FAM217A: variants seen among roughly 807,000 people sequenced by gnomAD.
FAM217A encodes the protein family with sequence similarity 217 member A, also known as protein FAM217A.
In FAM217A, 13 loss-of-function variants were observed where a neutral mutation model predicts 18.5. The ratio of observed to expected loss-of-function variants is 0.70; its 90% confidence interval spans 0.46 to 1.12. The LOEUF (loss-of-function observed/expected upper bound fraction) is 1.12. Ranked by LOEUF, FAM217A falls within the 50% of genes most tolerant of loss-of-function variation. The pLI, the probability that FAM217A is intolerant of heterozygous loss-of-function variation, is 0.00. For missense variants in FAM217A, 560 were observed against 575.4 expected (o/e 0.97, Z 0.27); for synonymous variants, 161 against 202.8 (o/e 0.79, Z 1.75).
At chr6:4,073,637 G>T (rs191206235) in intron 4 of FAM217A, 130 bp from the exon 5 acceptor site, 3 of 651,302 alleles carry the variant, frequency 4.6e-6, no homozygotes, top group East Asian at 3.1e-5. Flanking sequence ...TATATACAAA[G>T]AAATCATTTG....
Position 4,069,837 on chromosome 6 carries a change from G to A in FAM217A, c.386C>T (p.Thr129Ile), listed in dbSNP as rs756546210. The A allele has an allele frequency of 4.1e-5, 66 of 1,613,870 alleles. No homozygotes were observed. The highest frequency in any genetic ancestry group is 3.3e-4 in the Middle Eastern group (2 of 6,080). Reference protein sequence around the residue: ...IRVFTLNHPLTIASVDKQVGP... With the variant: ...IRVFTLNHPLIIASVDKQVGP... The stretch of plus-strand genomic sequence containing the variant: ...AACTTGCTTATCAACTGAAGCAATT[G>A]TTAATGGGTGGTTCAGAGTGAAGAC... The change falls in exon 7 of 7, where the codon ACA becomes ATA. Residue 129 changes from threonine (T) to isoleucine (I), a missense_variant. Transcript: ENST00000274673.
intron 1 of FAM217A, among the ~76,000 whole-genome samples, 187 bp downstream of exon 1, chr6:4,078,665 G>C (rs1561927872): frequency 6.6e-6 from 1 of 152,222 alleles, no homozygotes; most frequent in African/African-American, 2.4e-5. Flanking sequence ...TGGGGACTGC[G>C]AGTTGGGGGA....
At chr6:4,078,764 A>G in intron 1 of FAM217A, 88 bp downstream of exon 1, 2 of 413,448 alleles carry the variant, frequency 4.8e-6, no homozygotes, top group Non-Finnish European at 8.6e-6. Flanking sequence ...TTTCCTCCTG[A>G]GCTGTGGCCG....
At chr6:4,079,727 T>C (rs536949128), upstream of FAM217A, 1 of 1,062,938 alleles carries the variant, frequency 9.4e-7, no homozygotes, top group East Asian at 7.0e-5. Flanking sequence ...CATTGATACA[T>C]GTGAAGTTAT....
intron 1 of FAM217A, among the ~76,000 whole-genome samples, 171 bp from the exon 2 acceptor site, chr6:4,077,619 G>C (rs1769919098): frequency 6.6e-6 from 1 of 152,172 alleles, no homozygotes; most frequent in South Asian, 2.1e-4. Flanking sequence ...CCAGAAGCAA[G>C]GGGCAAGCCT....
chr6:4,074,519 C>A, intron 3 of FAM217A, 58 bp downstream of exon 3: 1 of 1,578,292 alleles, frequency 6.3e-7, no homozygotes, highest in Non-Finnish European at 8.7e-7. Flanking sequence ...TCAAAACAAA[C>A]CCCCTTTTAA....
upstream of FAM217A, chr6:4,079,779 C>A (rs942922701): frequency 1.1e-5 from 7 of 632,812 alleles, no homozygotes; most frequent in Non-Finnish European, 1.5e-5. Context: ...GAAGAGGCAT[C>A]CTTGTTGACA....
upstream of FAM217A, chr6:4,087,029 T>G (rs1159809558): frequency 2.5e-6 from 1 of 399,002 alleles, no homozygotes; most frequent in African/African-American, 2.1e-5. Context: ...TCTGGGCATT[T>G]CCTCAGTTTT....
intron 2 of FAM217A, among the ~76,000 whole-genome samples, chr6:4,075,034 C>G (rs1322787058): frequency 6.6e-6 from 1 of 152,130 alleles, no homozygotes; most frequent in African/African-American, 2.4e-5. Flanking sequence ...AGTATCAGAT[C>G]TAAAAGTCTA....
rs1031452460 is a variant in FAM217A, at chr6:4,068,640, T to C, written c.*56A>G. On this transcript the variant is annotated 3_prime_UTR_variant, in exon 7 of 7. Coordinates refer to ENST00000274673, the MANE Select transcript of FAM217A (RefSeq NM_173563.3). ...GTGTCTTGGAATAATTAACCATATC[T>C]TAGTTGGGCTTCTTAGAGTAGATGT... 3 of 1,511,544 alleles carry C rather than the reference T, an allele frequency of 2.0e-6. No individual in the cohort carries two copies. Among genetic ancestry groups the C allele is most frequent in the Admixed American group, 2.2e-5 (1 of 44,542 alleles). The allele number at this position is 1,511,544 out of a possible 1,614,324, so 93.6% of individuals were successfully genotyped here. A position where few individuals can be genotyped will look rare whatever the true frequency, so the allele number is the denominator to read the frequency against.
At chr6:4,085,975 C>T (rs965912929) in intron 1 of FAM217A, among the ~76,000 whole-genome samples, 6 of 151,636 alleles carry the variant, frequency 4.0e-5, no homozygotes, top group East Asian at 1.9e-4. Context: ...ATTAGCTGGG[C>T]GTAGTGATGC....
Position 4,078,975 on chromosome 6 carries a change from C to A in FAM217A, c.-158G>T. The A allele has an allele frequency of 2.0e-6, 1 of 509,386 alleles. No individual in the cohort carries two copies. Among genetic ancestry groups the A allele is most frequent in the Non-Finnish European group, 3.5e-6 (1 of 289,218 alleles). The allele number at this position is 509,386 out of a possible 1,614,324, so 31.6% of individuals were successfully genotyped here. A position where few individuals can be genotyped will look rare whatever the true frequency, so the allele number is the denominator to read the frequency against. On this transcript the variant is annotated 5_prime_UTR_variant, in exon 1 of 7. Coordinates refer to ENST00000274673, the MANE Select transcript of FAM217A (RefSeq NM_173563.3). ...CCCCTCTGCCGCGGCCTTCCTGCAG[C>A]GGGGGGACAAAGAGGGCGGCGGGCG...
intron 2 of FAM217A, among the ~76,000 whole-genome samples, chr6:4,075,587 AG>A (rs1769732255): frequency 6.6e-6 from 1 of 152,216 alleles, no homozygotes; most frequent in Non-Finnish European, 1.5e-5. Context: ...AAAATGTGGG[AG>A]GTGTGTAGAA....
Position 4,074,885 on chromosome 6 carries a change from C to T in FAM217A, c.61-224G>A, listed in dbSNP as rs1406051012. ...CTATTGTTGAGGAATCAGGCTTTTA[C>T]AATAATTTGTGGTTTCGTTCACATT... On this transcript the variant is annotated intron_variant, in intron 2 of 6. Coordinates refer to ENST00000274673, the MANE Select transcript of FAM217A (RefSeq NM_173563.3). Among the ~76,000 whole-genome samples, 7 of 152,168 alleles carry T rather than the reference C, an allele frequency of 4.6e-5. No individual in the cohort carries two copies. In the South Asian group the frequency reaches 1.2e-3, roughly 27 times the overall value.
chr6:4,084,886 A>G, intron 1 of FAM217A: 1 of 669,930 alleles, frequency 1.5e-6, no homozygotes, highest in Non-Finnish European at 2.7e-6. Flanking sequence ...AAAACAACCC[A>G]GAGTCATGCA....
intron 6 of FAM217A, among the ~76,000 whole-genome samples, chr6:4,071,589 C>A (rs944070439): frequency 6.6e-6 from 1 of 152,170 alleles, no homozygotes; most frequent in African/African-American, 2.4e-5. Context: ...ATTCTACCGC[C>A]TCCATTTGTT....
upstream of FAM217A, among the ~76,000 whole-genome samples, chr6:4,083,613 A>G (rs1284282760): frequency 6.9e-6 from 1 of 144,574 alleles, no homozygotes; most frequent in Non-Finnish European, 1.5e-5. Context: ...GTGCAATGGC[A>G]CATTCTCAGC....
intron 2 of FAM217A, among the ~76,000 whole-genome samples, chr6:4,075,249 G>A (rs191445089): frequency 6.6e-6 from 1 of 152,208 alleles, no homozygotes; most frequent in African/African-American, 2.4e-5. Context: ...CAGGAGAATC[G>A]CTTGAACCCA....
intron 6 of FAM217A, among the ~76,000 whole-genome samples, chr6:4,070,527 A>T (rs1769332420): frequency 6.6e-6 from 1 of 152,192 alleles, no homozygotes; most frequent in African/African-American, 2.4e-5. Flanking sequence ...TTATGTTAAA[A>T]TGAAAACTAC....
Sources: allele counts gnomAD v4.1 joint callset (sites outside exome capture counted in the v4.1 genomes callset), GRCh38; gene constraint gnomAD v4.1.1; transcripts MANE v1.5; gene names NCBI Gene and HGNC (gene_info 2026-07-23, HGNC 2026-07-21).